Variants in CXXC5 observed in about 807,000 individuals in gnomAD.
CXXC5 encodes the protein CXXC finger protein 5, also known as CXXC-type zinc finger protein 5.
CXXC5 carries 2 observed loss-of-function variants against 17.6 expected under a neutral mutation model. The observed-to-expected ratio is 0.11, with a 90% CI of 0.05 to 0.36. CXXC5 has a LOEUF of 0.36. Among genes scored for constraint, CXXC5 ranks in the 10% least tolerant of loss-of-function variants. The pLI, the probability that CXXC5 is intolerant of heterozygous loss-of-function variation, is 1.00. For missense variants in CXXC5, 343 were observed against 458.3 expected, an observed-to-expected ratio of 0.75 and a Z score of 2.30; for synonymous variants, 171 against 193.0, an observed-to-expected ratio of 0.89 and a Z score of 0.94.
chr5:139,681,031 G>C lies in CXXC5; in HGVS notation c.508G>C (p.Glu170Gln). The change falls in exon 2 of 3, where the codon GAG becomes CAG. Residue 170 changes from glutamate (E) to glutamine (Q), a missense_variant. Physicochemically the swap from Glu to Gln is conservative, Grantham distance 29. Transcript: ENST00000302517. ...GCTGCAGCAGTTTGCGCAGTCCACA[G>C]AGATGCTGAAGCGCGTGGTGCAGGA... ...LTLQQFAQSTEMLKRVVQEHL... is the reference protein window; with the variant it reads ...LTLQQFAQSTQMLKRVVQEHL... The C allele has an allele frequency of 6.2e-7, 1 of 1,609,052 alleles. No homozygotes were observed. Among genetic ancestry groups the C allele is most frequent in the Non-Finnish European group, 8.5e-7 (1 of 1,179,956 alleles).
At chr5:139,666,585 C>T (rs897207513) in intron 1 of CXXC5, among the ~76,000 whole-genome samples, 3 of 152,340 alleles carry the variant, frequency 2.0e-5, no homozygotes, top group Admixed American at 1.3e-4. Flanking sequence ...GGATACTGAG[C>T]CACAAAGAGG....
chr5:139,682,810 T>C (rs1293740522), intron 2 of CXXC5, 53 bp from the exon 3 acceptor site: 1 of 1,540,222 alleles, frequency 6.5e-7, no homozygotes, highest in Non-Finnish European at 8.8e-7. Context: ...GCTCCAGGCC[T>C]ACCCGGACCC....
intron 1 of CXXC5, among the ~76,000 whole-genome samples, chr5:139,650,473 C>G (rs1186397431): frequency 2.6e-5 from 4 of 152,228 alleles, no homozygotes; most frequent in African/African-American, 9.7e-5. Flanking sequence ...CCCTCGCCCC[C>G]GCCGGAGCCG....
At chr5:139,652,984 G>A (rs898546924) in intron 1 of CXXC5, among the ~76,000 whole-genome samples, 10 of 152,150 alleles carry the variant, frequency 6.6e-5, no homozygotes, top group Admixed American at 1.3e-4. Flanking sequence ...GTGGCGGCTG[G>A]CTATGTTTTC....
rs1357484289 is a variant in CXXC5, at chr5:139,658,842, A to G, written c.-161+9997A>G. Among the ~76,000 whole-genome samples the G allele has an allele frequency of 6.6e-6, 1 of 152,198 alleles. No homozygotes were observed. Among genetic ancestry groups the G allele is most frequent in the Non-Finnish European group, 1.5e-5 (1 of 68,030 alleles). On this transcript the variant is annotated intron_variant, in intron 1 of 2. Coordinates refer to ENST00000302517, the MANE Select transcript of CXXC5 (RefSeq NM_016463.9). This position sits in a 1 kb window ranked among gnomAD's most constrained non-coding sequence, Gnocchi z 4.1. ...TGACAATACCTTGGGATTCTTTTCA[A>G]GACCACTGTTGAACTGTAGGAGAGT...
intron 1 of CXXC5, among the ~76,000 whole-genome samples, chr5:139,651,630 A>G (rs1462229053): frequency 6.6e-6 from 1 of 152,086 alleles, no homozygotes; most frequent in African/African-American, 2.4e-5. Flanking sequence ...TGCCTTCTTC[A>G]GGACTGACTG....
chr5:139,651,762 G>A (rs1755191488), intron 1 of CXXC5, among the ~76,000 whole-genome samples: 1 of 152,070 alleles, frequency 6.6e-6, no homozygotes, highest in Admixed American at 6.6e-5. Flanking sequence ...ATACGGGTGA[G>A]CCAGACCCAA....
At chr5:139,673,319 G>C (rs1447379235) in intron 1 of CXXC5, among the ~76,000 whole-genome samples, 1 of 152,032 alleles carries the variant, frequency 6.6e-6, no homozygotes, top group Non-Finnish European at 1.5e-5. Context: ...TTTTTCCCAA[G>C]GTCAAAAAAT....
intron 1 of CXXC5, among the ~76,000 whole-genome samples, chr5:139,667,397 A>G (rs1242203018): frequency 6.6e-6 from 1 of 152,176 alleles, no homozygotes. Flanking sequence ...CACGGGGTCC[A>G]TGGTATCTCC....
rs79017154 is a variant in CXXC5, at chr5:139,651,643, C to T, written c.-161+2798C>T. 1.0e-3 allele frequency among the ~76,000 whole-genome samples: 156 copies of T among 152,054 alleles called. 1 individual carries two copies. The highest frequency in any genetic ancestry group is 3.7e-3 in the African/African-American group (152 of 41,460). On this transcript the variant is annotated intron_variant, in intron 1 of 2. Coordinates refer to ENST00000302517, the MANE Select transcript of CXXC5 (RefSeq NM_016463.9). ...CCTGCCTTCTTCAGGACTGACTGCA[C>T]CTTGTTGTTTATGGGAGGATGGAGT...
Position 139,682,883 on chromosome 5 carries a change from A to G in CXXC5, c.945A>G (p.Gly315=). ...AALEKVMLPT[G]AAFRWFQ ...GCCAGAAGGTGATGCTTCCGACGGG[A>G]GCCGCCTTCCGGTGGTTTCAGTGAC... Residue 315 remains glycine, a synonymous_variant, in exon 3 of 3, where the codon GGA becomes GGG. Coordinates refer to ENST00000302517, the MANE Select transcript of CXXC5 (RefSeq NM_016463.9). 6.3e-7 allele frequency: 1 copy of G among 1,595,166 alleles called. No homozygotes were observed. Among genetic ancestry groups the G allele is most frequent in the Non-Finnish European group, 8.5e-7 (1 of 1,170,552 alleles).
chr5:139,657,078 A>G (rs977584740), intron 1 of CXXC5, among the ~76,000 whole-genome samples: 4 of 152,168 alleles, frequency 2.6e-5, no homozygotes, highest in Non-Finnish European at 5.9e-5. Context: ...GGGTAGCCCA[A>G]CGAAAGTCCT....
chr5:139,661,179 G>A lies in CXXC5; in HGVS notation c.-161+12334G>A, dbSNP rs1176784431. Among the ~76,000 whole-genome samples, 2 of 152,080 alleles carry A rather than the reference G, an allele frequency of 1.3e-5. No homozygotes were observed. The highest frequency in any genetic ancestry group is 3.9e-4 in the East Asian group (2 of 5,162). ...CCTCCCCGCCGCGGCTGCCCGCGCC[G>A]CCCCCCCACCTCTTGCGCTGTCGGC... On this transcript the variant is annotated intron_variant, in intron 1 of 2. Transcript: ENST00000302517. The surrounding 1 kb of genome is among the most constrained non-coding windows in gnomAD (Gnocchi z 4.7).
Position 139,648,820 on chromosome 5 carries a change from G to A in CXXC5, c.-186G>A, listed in dbSNP as rs1334929762. 3 of 153,092 alleles carry A rather than the reference G, an allele frequency of 2.0e-5. No individual in the cohort carries two copies. The highest frequency in any genetic ancestry group is 1.9e-4 in the East Asian group (1 of 5,152). 9.5% of individuals were successfully genotyped at this position (153,092 alleles called of 1,614,324 possible). On this transcript the variant is annotated 5_prime_UTR_variant, in exon 1 of 3. Transcript: ENST00000302517. ...TCGGCCTCGCGGCGACGGCGGCGGT[G>A]GCGGCTTGGACGACTCGGAGAGCCG...
rs116736980 is a variant in CXXC5, at chr5:139,669,177, G to C, written c.-160-11187G>C. Among the ~76,000 whole-genome samples, 1,202 of 152,270 alleles carry C rather than the reference G, an allele frequency of 7.9e-3. 13 individuals carry two copies. Among genetic ancestry groups the C allele is most frequent in the Middle Eastern group, 0.037 (11 of 294 alleles). ...ATATTAGCAGGTGGGATTTTTCCTC[G>C]GGGAAGCAGTGGGAGGGGGAGCGCC... is the stretch of plus-strand genomic sequence containing the variant. On this transcript the variant is annotated intron_variant, in intron 1 of 2. Coordinates refer to ENST00000302517, the MANE Select transcript of CXXC5 (RefSeq NM_016463.9).
At chr5:139,656,630 G>A (rs1013262391) in intron 1 of CXXC5, among the ~76,000 whole-genome samples, 1 of 152,190 alleles carries the variant, frequency 6.6e-6, no homozygotes, top group East Asian at 1.9e-4. Context: ...ATTACTTCTT[G>A]TACCCCCAGT....
At position 139,648,564 on chromosome 5, in the gene CXXC5, C is replaced by T. The variant is rs1242624058; in HGVS notation, c.-442C>T. 2 of 151,798 alleles carry T rather than the reference C, an allele frequency of 1.3e-5. No individual in the cohort carries two copies. The highest frequency in any genetic ancestry group is 6.6e-5 in the Admixed American group (1 of 15,262). 9.4% of individuals were successfully genotyped at this position (151,798 alleles called of 1,614,324 possible). On this transcript the variant is annotated 5_prime_UTR_variant, in exon 1 of 3. Transcript: ENST00000302517. ...CGCCGCACGCTGAGCCCTCCGCCCG[C>T]GAGCCGCGCTCAGCTCGGGGGTGAT... is the stretch of plus-strand genomic sequence containing the variant.
Position 139,680,848 on chromosome 5 carries a change from G to A in CXXC5, c.325G>A (p.Ala109Thr), listed in dbSNP as rs1484110475. The A allele has an allele frequency of 6.2e-7, 1 of 1,610,446 alleles. No individual in the cohort carries two copies. Among genetic ancestry groups the A allele is most frequent in the Non-Finnish European group, 8.5e-7 (1 of 1,179,964 alleles). The change falls in exon 2 of 3, where the codon GCA becomes ACA. Residue 109 changes from alanine (A) to threonine (T), a missense_variant. Transcript: ENST00000302517. ...GTCTGCTGACAAGGCCACTGCGGCT[G>A]CAGCCGCTGCCTCCCTGTTGGCCAA... ...GESADKATAA[A>T]AAASLLANGH...
upstream of CXXC5, among the ~76,000 whole-genome samples, chr5:139,647,684 T>C (rs1406157764): frequency 6.6e-6 from 1 of 152,222 alleles, no homozygotes; most frequent in Non-Finnish European, 1.5e-5. Context: ...GTAGTCGTTT[T>C]AGCCCCGGGA....
Sources: gnomAD v4.1 joint callset for allele counts (sites outside exome capture counted in the v4.1 genomes callset) on GRCh38, gnomAD v4.1.1 for gene constraint, Gnocchi (gnomAD v3.1) non-coding constraint, MANE v1.5 for transcripts, NCBI Gene and HGNC (gene_info 2026-07-23, HGNC 2026-07-21) for gene names.